HSD17B3: variants seen among roughly 807,000 people sequenced by gnomAD.
HSD17B3 encodes 17-beta-hydroxysteroid dehydrogenase type 3.
In HSD17B3, 29 loss-of-function variants were observed where a neutral mutation model predicts 41.1. The ratio of observed to expected loss-of-function variants is 0.71; its 90% CI spans 0.53 to 0.96. The LOEUF (loss-of-function observed/expected upper bound fraction) is 0.96, where lower values mean the gene tolerates loss of function less well. Ranked by LOEUF, HSD17B3 falls within the 40% of genes least tolerant of loss-of-function variation. The pLI is 0.00. For synonymous variants in HSD17B3, 126 were observed against 145.6 expected (o/e 0.87, Z 0.97); for missense variants, 323 against 374.6 (o/e 0.86, Z 1.14).
chr9:96,301,306 C>T (rs984084191), intron 1 of HSD17B3, among the ~76,000 whole-genome samples: 2 of 151,584 alleles, frequency 1.3e-5, no homozygotes, highest in Admixed American at 6.6e-5. Flanking sequence ...GGGCTGGGTG[C>T]GGTGGCTCAC....
chr9:96,301,933 G>C lies in HSD17B3; in HGVS notation c.154+18C>G. On this transcript the variant is annotated intron_variant, in intron 1 of 10. Transcript: ENST00000375263. Reference sequence around the variant, plus strand: ...GAACAACAGCAGCAAAAAAACATGAGATGGAACACTCCCTTACCTGCCCAC... The same window carrying C: ...GAACAACAGCAGCAAAAAAACATGACATGGAACACTCCCTTACCTGCCCAC... The C allele has an allele frequency of 6.2e-7, 1 of 1,612,754 alleles. No homozygotes were observed. The highest frequency in any genetic ancestry group is 8.5e-7 in the Non-Finnish European group (1 of 1,178,912).
At chr9:96,293,711 G>A (rs1827243976) in intron 2 of HSD17B3, among the ~76,000 whole-genome samples, 1 of 151,400 alleles carries the variant, frequency 6.6e-6, no homozygotes, top group African/African-American at 2.4e-5. Flanking sequence ...TTTCTCTCGA[G>A]AACCATGACT....
At chr9:96,263,542 C>A (rs1334845219) in intron 2 of HSD17B3, among the ~76,000 whole-genome samples, 1 of 138,146 alleles carries the variant, frequency 7.2e-6, no homozygotes, top group African/African-American at 2.8e-5. Flanking sequence ...ACAGTGAAAC[C>A]CCGTCTCTAC....
chr9:96,254,075 T>C (rs1329345991), intron 3 of HSD17B3, among the ~76,000 whole-genome samples: 2 of 152,188 alleles, frequency 1.3e-5, no homozygotes, highest in African/African-American at 4.8e-5. Flanking sequence ...AATTATTAAA[T>C]TGATAATTAT....
At chr9:96,271,611 A>AAG (rs1826247888) in intron 2 of HSD17B3, among the ~76,000 whole-genome samples, 1 of 152,114 alleles carries the variant, frequency 6.6e-6, no homozygotes, top group Non-Finnish European at 1.5e-5. Flanking sequence ...ATGTGTTATG[A>AAG]TCCAGCTTCA....
At chr9:96,246,782 C>G (rs1303824970) in intron 6 of HSD17B3, among the ~76,000 whole-genome samples, 192 bp from the exon 7 acceptor site, 1 of 152,162 alleles carries the variant, frequency 6.6e-6, no homozygotes, top group Non-Finnish European at 1.5e-5. Context: ...CCCACAGGAG[C>G]CAACCTAGAC....
At chr9:96,285,145 A>C (rs1826868150) in intron 2 of HSD17B3, among the ~76,000 whole-genome samples, 1 of 152,100 alleles carries the variant, frequency 6.6e-6, no homozygotes, top group Non-Finnish European at 1.5e-5. Context: ...AGCTGAAGCC[A>C]ATTTTTAAAA....
chr9:96,297,831 T>C (rs965381712), intron 2 of HSD17B3, among the ~76,000 whole-genome samples: 19 of 152,206 alleles, frequency 1.2e-4, no homozygotes, highest in African/African-American at 4.3e-4. Flanking sequence ...TAATAGCATA[T>C]AAAACCACAT....
rs8190552 is a variant in HSD17B3 at position 96,244,534 on chromosome 9, T to C, written c.607-140A>G. ...AGTGGGGAGCTCTGGGTACGGAGGG[T>C]ACGGAGTTTCAGCTGCACAGGGTGA... On this transcript the variant is annotated intron_variant, in intron 8 of 10. Transcript: ENST00000375263. 4.2e-3 allele frequency: 3,275 copies of C among 787,362 alleles called. 68 individuals are homozygous for C. The African/African-American group carries it at 0.05, about 12-fold the overall frequency. The allele number at this position is 787,362 out of a possible 1,614,324, so 48.8% of individuals were successfully genotyped here.
At chr9:96,279,235 C>A (rs1311981478) in intron 2 of HSD17B3, among the ~76,000 whole-genome samples, 1 of 152,170 alleles carries the variant, frequency 6.6e-6, no homozygotes, top group Non-Finnish European at 1.5e-5. Flanking sequence ...CGAACATATA[C>A]CCAAGGTGGT....
chr9:96,245,013 G>A (rs775437405), intron 8 of HSD17B3, among the ~76,000 whole-genome samples: 22 of 152,050 alleles, frequency 1.4e-4, no homozygotes, highest in Admixed American at 3.9e-4. Flanking sequence ...TTTATGACTA[G>A]GGCATGGGGA....
At chr9:96,244,435 C>A in intron 8 of HSD17B3, 41 bp from the exon 9 acceptor site, 1 of 1,604,414 alleles carries the variant, frequency 6.2e-7, no homozygotes, top group Non-Finnish European at 8.5e-7. Flanking sequence ...CCAGAGTGAG[C>A]TCCCTCGTCA....
chr9:96,298,660 G>T (rs535848701), intron 1 of HSD17B3, among the ~76,000 whole-genome samples, 198 bp from the exon 2 acceptor site: 6 of 151,976 alleles, frequency 3.9e-5, no homozygotes, highest in South Asian at 4.1e-4. Flanking sequence ...TGGGTGGGTT[G>T]GTTGGTTGGT....
At chr9:96,258,070 A>G in intron 2 of HSD17B3, among the ~76,000 whole-genome samples, 1 of 152,164 alleles carries the variant, frequency 6.6e-6, no homozygotes, top group South Asian at 2.1e-4. Flanking sequence ...CTATGGAGTA[A>G]CTTATCATTT....
chr9:96,257,066 C>T (rs1825691813), intron 2 of HSD17B3, among the ~76,000 whole-genome samples: 1 of 152,088 alleles, frequency 6.6e-6, no homozygotes. Flanking sequence ...CTTTGCCTTC[C>T]GCCACGTTTG....
intron 4 of HSD17B3, 100 bp from the exon 5 acceptor site, chr9:96,251,585 G>T: frequency 2.7e-6 from 3 of 1,098,166 alleles, no homozygotes; most frequent in Non-Finnish European, 4.1e-6. Flanking sequence ...GTTGTTCATC[G>T]CAGCATGATT....
chr9:96,301,334 T>C (rs1272042051), intron 1 of HSD17B3, among the ~76,000 whole-genome samples: 1 of 151,228 alleles, frequency 6.6e-6, no homozygotes, highest in African/African-American at 2.4e-5. Context: ...ATCCCAGCCG[T>C]TGGGGAGGCC....
chr9:96,252,400 G>A (rs1825455824), intron 4 of HSD17B3, among the ~76,000 whole-genome samples: 2 of 151,940 alleles, frequency 1.3e-5, no homozygotes, highest in South Asian at 2.1e-4. Flanking sequence ...AAAATTAGCT[G>A]GGCATGGTAG....
In HSD17B3 at chr9:96,255,539, G is replaced by A. The variant is rs1164032035; in HGVS notation, c.202-596C>T. Among the ~76,000 whole-genome samples the A allele has an allele frequency of 2.6e-5, 4 of 151,774 alleles. No individual in the cohort carries two copies. The East Asian group carries it at 5.8e-4, about 22-fold the overall frequency. The stretch of plus-strand genomic sequence containing the variant: ...CAAGTAGCTGGGATTACAGGCATGC[G>A]CCGCCAAGCCCGGCTAATTTTTGTA... On this transcript the variant is annotated intron_variant, in intron 2 of 10. Coordinates refer to ENST00000375263, the MANE Select transcript of HSD17B3 (RefSeq NM_000197.2).
Sources: gnomAD v4.1 joint callset for allele counts (sites outside exome capture counted in the v4.1 genomes callset) on GRCh38, gnomAD v4.1.1 for gene constraint, MANE v1.5 for transcripts, NCBI Gene and HGNC (gene_info 2026-07-23, HGNC 2026-07-21) for gene names.